The following TTC21B variants were observed in gnomAD, a reference collection of about 807,000 sequenced individuals.
TTC21B encodes tetratricopeptide repeat protein 21B.
Under a neutral mutation model 175.1 loss-of-function variants are expected in TTC21B, and 127 were observed. That is an observed-to-expected ratio of 0.73 (90% CI 0.63 to 0.84). The LOEUF (loss-of-function observed/expected upper bound fraction) is 0.84, where lower values mean the gene tolerates loss of function less well. Among genes scored for constraint, TTC21B ranks in the 40% least tolerant of loss-of-function variants. The pLI, the probability that TTC21B is intolerant of heterozygous loss-of-function variation, is 0.00. For synonymous variants in TTC21B, 524 were observed against 524.5 expected, an observed-to-expected ratio of 1.00 and a Z score of 0.01; for missense variants, 1,561 against 1,558.3, an observed-to-expected ratio of 1.00 and a Z score of -0.03.
intron 12 of TTC21B, among the ~76,000 whole-genome samples, chr2:165,919,891 A>G (rs1318450189): frequency 6.6e-6 from 1 of 152,254 alleles, no homozygotes. Context: ...ACTACTATAC[A>G]TAAAATAACA....
At chr2:165,942,125 G>C (rs1245741909) in intron 5 of TTC21B, among the ~76,000 whole-genome samples, 1 of 152,134 alleles carries the variant, frequency 6.6e-6, no homozygotes, top group Non-Finnish European at 1.5e-5. Flanking sequence ...TAAAACTTGA[G>C]GGTAGTGGGC....
Position 165,890,842 on chromosome 2 carries a change from G to T in TTC21B, c.3097C>A (p.Leu1033Ile), listed in dbSNP as rs765448665. The T allele has an allele frequency of 3.1e-6, 5 of 1,612,638 alleles. No homozygotes were observed. The highest frequency in any genetic ancestry group is 4.5e-5 in the East Asian group (2 of 44,756). Residue 1033 changes from leucine to isoleucine, a missense_variant, in exon 23 of 29, where the codon CTT becomes ATT. Coordinates refer to ENST00000243344, the MANE Select transcript of TTC21B (RefSeq NM_024753.5). ...PGFQYCKGLY[L>I]WYTGEPNDAL... is the part of the protein sequence containing the mutation. ...TTTATTTGTAAATAGATTTACCAAA[G>T]ATACAGTCCTTTACAATACTGAAAT... is the stretch of plus-strand genomic sequence containing the variant.
intron 13 of TTC21B, among the ~76,000 whole-genome samples, chr2:165,918,653 C>A (rs1237702938): frequency 6.6e-6 from 1 of 152,124 alleles, no homozygotes; most frequent in East Asian, 1.9e-4. Flanking sequence ...TTAACAGGGT[C>A]CATGACCCTG....
At chr2:165,924,880 A>T (rs957504278) in intron 11 of TTC21B, among the ~76,000 whole-genome samples, 1 of 152,248 alleles carries the variant, frequency 6.6e-6, no homozygotes, top group Non-Finnish European at 1.5e-5. Flanking sequence ...AGACAATGCA[A>T]ATAATGGCTC....
chr2:165,897,390 T>C (rs1464267366), intron 22 of TTC21B, among the ~76,000 whole-genome samples: 1 of 152,106 alleles, frequency 6.6e-6, no homozygotes, highest in Non-Finnish European at 1.5e-5. Context: ...AAGGATTTGC[T>C]GATAGACTGG....
chr2:165,945,780 T>C (rs1574143383), intron 3 of TTC21B, 90 bp from the exon 4 acceptor site: 2 of 1,333,210 alleles, frequency 1.5e-6, no homozygotes, highest in South Asian at 2.6e-5. Context: ...AAAAATTTAC[T>C]TCTCTCTATA....
chr2:165,929,077 T>C (rs746727675), intron 11 of TTC21B, 58 bp downstream of exon 11: 53 of 1,525,164 alleles, frequency 3.5e-5, no homozygotes, highest in Non-Finnish European at 4.6e-5. Flanking sequence ...AACTTTTAAG[T>C]TCTTTCATAA....
chr2:165,901,702 A>G lies in TTC21B; in HGVS notation c.2757+20T>C, dbSNP rs373826896. The G allele has an allele frequency of 4.0e-5, 64 of 1,607,864 alleles. No homozygotes were observed. The highest frequency in any genetic ancestry group is 4.9e-5 in the Non-Finnish European group (57 of 1,174,580). ...GACATCTGGAATAAAAGGTATTTAA[A>G]ATTTTATAAAGGTACTGACCTTATT... On this transcript the variant is annotated intron_variant, in intron 20 of 28. Coordinates refer to ENST00000243344, the MANE Select transcript of TTC21B (RefSeq NM_024753.5).
intron 1 of TTC21B, among the ~76,000 whole-genome samples, chr2:165,951,836 A>C (rs1687771341): frequency 6.6e-6 from 1 of 152,236 alleles, no homozygotes; most frequent in Non-Finnish European, 1.5e-5. Context: ...AAGAGCTTAT[A>C]AACTCCTTTG....
At chr2:165,911,245 A>C in intron 18 of TTC21B, 82 bp downstream of exon 18, 1 of 1,525,586 alleles carries the variant, frequency 6.6e-7, no homozygotes, top group Non-Finnish European at 9.1e-7. Context: ...AATATTGAGA[A>C]TACAAATACA....
intron 4 of TTC21B, among the ~76,000 whole-genome samples, chr2:165,944,445 A>C (rs529134817): frequency 6.6e-6 from 1 of 152,286 alleles, no homozygotes; most frequent in East Asian, 1.9e-4. Context: ...GTGGGTATTT[A>C]AAAATTTTGA....
intron 6 of TTC21B, among the ~76,000 whole-genome samples, chr2:165,937,206 A>C (rs1399619987): frequency 6.6e-6 from 1 of 152,116 alleles, no homozygotes; most frequent in Non-Finnish European, 1.5e-5. Flanking sequence ...ATATTGTATT[A>C]TTCCATATTA....
chr2:165,929,226 CCTT>C lies in TTC21B; in HGVS notation c.1292_1294del (p.Glu431del), dbSNP rs747438835. The C allele has an allele frequency of 3.7e-6, 6 of 1,612,862 alleles. No homozygotes were observed. The highest frequency in any genetic ancestry group is 2.2e-5 in the South Asian group (2 of 91,054). On this transcript the variant is annotated inframe_deletion, in exon 11 of 29. Coordinates refer to ENST00000243344, the MANE Select transcript of TTC21B (RefSeq NM_024753.5). ...AAAATACTGTATGCCAAGAGGCAAA[CCTT>C]CTAATTGTGAAAAGTGAGTGTCCAG...
intron 1 of TTC21B, 72 bp from the exon 2 acceptor site, chr2:165,949,796 A>G: frequency 1.4e-6 from 2 of 1,442,708 alleles, no homozygotes; most frequent in Non-Finnish European, 1.9e-6. Flanking sequence ...AGCAGATAAT[A>G]ATCTAACATC....
chr2:165,934,369 G>A (rs1687031948), intron 6 of TTC21B, among the ~76,000 whole-genome samples: 1 of 151,630 alleles, frequency 6.6e-6, no homozygotes, highest in Non-Finnish European at 1.5e-5. Context: ...GGGCGTGGTG[G>A]TGGGTGCCAG....
intron 8 of TTC21B, among the ~76,000 whole-genome samples, chr2:165,931,473 T>C (rs1466103080): frequency 5.3e-5 from 8 of 152,104 alleles, no homozygotes; most frequent in Admixed American, 5.2e-4. Context: ...TGGTCATAAA[T>C]CTTATGCTCT....
intron 16 of TTC21B, among the ~76,000 whole-genome samples, 174 bp downstream of exon 16, chr2:165,913,400 T>C (rs1466032962): frequency 3.3e-5 from 5 of 152,240 alleles, no homozygotes; most frequent in East Asian, 1.9e-4. Context: ...TTTTTAAAAA[T>C]TGATATCTCC....
rs1242719645 is a variant in TTC21B at position 165,949,454 on chromosome 2, C to T, written c.202G>A (p.Asp68Asn). 1 of 1,613,814 alleles carries T rather than the reference C, an allele frequency of 6.2e-7. No homozygotes were observed. The change falls in exon 3 of 29, where the codon GAT (aspartate) becomes AAT (asparagine). Residue 68 changes from aspartate (D) to asparagine (N), a missense_variant. Physicochemically the swap from Asp to Asn is conservative, Grantham distance 23. Coordinates refer to ENST00000243344, the MANE Select transcript of TTC21B (RefSeq NM_024753.5). ...REFEAIKNKQDVSLCSLLALI... is the reference protein window; with the variant it reads ...REFEAIKNKQNVSLCSLLALI... ...GCAAGTAGAGAACAAAGTGATACAT[C>T]TTGTTTATTTTTAATAGCCTCAAAT...
At chr2:165,929,061 A>AC (rs1472565090) in intron 11 of TTC21B, 74 bp downstream of exon 11, 2 of 1,397,994 alleles carry the variant, frequency 1.4e-6, no homozygotes, top group African/African-American at 2.8e-5. Flanking sequence ...CTAATGCATC[A>AC]AAGAAAACTT....
Sources: allele counts gnomAD v4.1 joint callset (sites outside exome capture counted in the v4.1 genomes callset), GRCh38; gene constraint gnomAD v4.1.1; transcripts MANE v1.5; gene names NCBI Gene and HGNC (gene_info 2026-07-23, HGNC 2026-07-21).